RAB22A: variants seen among roughly 807,000 people sequenced by gnomAD.
The protein encoded by RAB22A is ras-related protein Rab-22A.
A neutral mutation model predicts 30.2 loss-of-function variants in RAB22A; 13 were observed. The ratio of observed to expected loss-of-function variants is 0.43; its 90% CI spans 0.28 to 0.68. RAB22A has a LOEUF of 0.68. Among genes scored for constraint, RAB22A ranks in the 30% least tolerant of loss-of-function variants. The pLI is 0.18. For missense variants in RAB22A, 177 were observed against 246.8 expected, an observed-to-expected ratio of 0.72 and a Z score of 1.89; for synonymous variants, 89 against 87.2, an observed-to-expected ratio of 1.02 and a Z score of -0.11.
intron 2 of RAB22A, among the ~76,000 whole-genome samples, chr20:58,336,903 A>AC (rs1362038079): frequency 1.3e-5 from 2 of 151,872 alleles, no homozygotes; most frequent in Non-Finnish European, 2.9e-5. Flanking sequence ...TCCAAGTCTA[A>AC]CCCTGCAGAG....
rs1986606421 is a variant in RAB22A at position 58,328,468 on chromosome 20, G to A, written c.117-15250G>A. 1.3e-5 allele frequency among the ~76,000 whole-genome samples: 2 copies of A among 152,154 alleles called. 1 individual carries two copies. Among genetic ancestry groups the A allele is most frequent in the Admixed American group, 1.3e-4 (2 of 15,272 alleles). On this transcript the variant is annotated intron_variant, in intron 2 of 6. Transcript: ENST00000244040. Reference sequence around the variant, plus strand: ...CAGATTGAATTACAGGTGTGAACCAGTGTCCAGCTACATTCTTTATATTGT... The same window carrying A: ...CAGATTGAATTACAGGTGTGAACCAATGTCCAGCTACATTCTTTATATTGT...
intron 2 of RAB22A, among the ~76,000 whole-genome samples, chr20:58,316,450 C>T (rs561706956): frequency 6.6e-6 from 1 of 152,182 alleles, no homozygotes; most frequent in African/African-American, 2.4e-5. Flanking sequence ...ATTTTCAAAG[C>T]TGAGGCTTTT....
At chr20:58,342,948 C>T (rs528832221) in intron 2 of RAB22A, among the ~76,000 whole-genome samples, 1 of 152,242 alleles carries the variant, frequency 6.6e-6, no homozygotes, top group East Asian at 1.9e-4. Flanking sequence ...ATTTTGAGGT[C>T]TCACTCAAGA....
Position 58,353,423 on chromosome 20 carries a change from G to A in RAB22A, c.271-9G>A, listed in dbSNP as rs1473744023. On this transcript the variant is annotated splice_polypyrimidine_tract_variant and intron_variant, in intron 4 of 6. Transcript: ENST00000244040. Reference sequence around the variant, plus strand: ...GATCTCCAGTTGCTCTCTTTTTTGTGTGTTACAGGAGACATTTTCAACATT... The same window carrying A: ...GATCTCCAGTTGCTCTCTTTTTTGTATGTTACAGGAGACATTTTCAACATT... 2 of 1,611,036 alleles carry A rather than the reference G, an allele frequency of 1.2e-6. No individual in the cohort carries two copies. The highest frequency in any genetic ancestry group is 1.7e-6 in the Non-Finnish European group (2 of 1,177,464).
intron 2 of RAB22A, among the ~76,000 whole-genome samples, chr20:58,342,803 G>C (rs1986877771): frequency 6.6e-6 from 1 of 152,110 alleles, no homozygotes; most frequent in African/African-American, 2.4e-5. Context: ...GCTGCCCTCT[G>C]GGTGAGGGGG....
intron 2 of RAB22A, among the ~76,000 whole-genome samples, chr20:58,321,817 C>G (rs1319938643): frequency 6.6e-6 from 1 of 152,000 alleles, no homozygotes; most frequent in African/African-American, 2.4e-5. Context: ...TATACATAAA[C>G]AGAAACAAGG....
chr20:58,349,884 T>TAG (rs1387417616), intron 3 of RAB22A, among the ~76,000 whole-genome samples: 6 of 152,094 alleles, frequency 3.9e-5, no homozygotes, highest in African/African-American at 1.4e-4. Flanking sequence ...ACCCAGTGAG[T>TAG]AGAAGCAAAC....
chr20:58,311,778 C>T (rs921798140), intron 2 of RAB22A, among the ~76,000 whole-genome samples: 1 of 152,042 alleles, frequency 6.6e-6, no homozygotes, highest in African/African-American at 2.4e-5. Context: ...ATCATCAAAC[C>T]CTCAAATGGT....
intron 2 of RAB22A, among the ~76,000 whole-genome samples, chr20:58,328,693 T>C (rs564507595): frequency 1.3e-5 from 2 of 152,100 alleles, no homozygotes; most frequent in Non-Finnish European, 2.9e-5. Context: ...TCTCTTTTCC[T>C]CCCTACTTAG....
Position 58,367,385 on chromosome 20 carries a change from T to C in RAB22A, c.*7682T>C, listed in dbSNP as rs1353061831. 6.5e-6 allele frequency: 1 copy of C among 152,770 alleles called. No homozygotes were observed. Among genetic ancestry groups the C allele is most frequent in the African/African-American group, 2.4e-5 (1 of 41,590 alleles). The allele number at this position is 152,770 out of a possible 1,614,324, so 9.5% of individuals were successfully genotyped here. The stretch of plus-strand genomic sequence containing the variant: ...AAAGTTGATTTGCCATACTTTTAAA[T>C]AATATTGTTTTAGCTTGAATATTCT... On this transcript the variant is annotated 3_prime_UTR_variant, in exon 7 of 7. Transcript: ENST00000244040.
At chr20:58,312,512 G>T in intron 2 of RAB22A, among the ~76,000 whole-genome samples, 2 of 92,676 alleles carry the variant, frequency 2.2e-5, no homozygotes, top group South Asian at 4.2e-4. Flanking sequence ...TTTTTGAGGT[G>T]GAGTCTCGCT....
chr20:58,355,418 A>G (rs1179095297), intron 6 of RAB22A, among the ~76,000 whole-genome samples: 1 of 152,198 alleles, frequency 6.6e-6, no homozygotes, highest in Admixed American at 6.5e-5. Flanking sequence ...CAATCATTTA[A>G]GTATTTTCAG....
In RAB22A at chr20:58,363,968, A is replaced by G. The variant is rs2122979337; in HGVS notation, c.*4265A>G. 6.5e-6 allele frequency: 1 copy of G among 152,794 alleles called. No individual in the cohort carries two copies. The highest frequency in any genetic ancestry group is 1.5e-5 in the Non-Finnish European group (1 of 68,038). The allele number at this position is 152,794 out of a possible 1,614,324, so 9.5% of individuals were successfully genotyped here. On this transcript the variant is annotated 3_prime_UTR_variant, in exon 7 of 7. Coordinates refer to ENST00000244040, the MANE Select transcript of RAB22A (RefSeq NM_020673.3). The stretch of plus-strand genomic sequence containing the variant: ...ACAACCTCTGCGAATTTCTCTTGAC[A>G]GCGGAGTTGCTTGTCTTGACTTCTA...
At chr20:58,359,572 G>T (rs768146355) in intron 6 of RAB22A, 34 bp from the exon 7 acceptor site, 1 of 1,488,584 alleles carries the variant, frequency 6.7e-7, no homozygotes, top group South Asian at 1.2e-5. Flanking sequence ...GAAAGTTAAA[G>T]CTCACTCCCT....
intron 2 of RAB22A, among the ~76,000 whole-genome samples, chr20:58,342,800 T>A (rs1986877601): frequency 6.6e-6 from 1 of 152,072 alleles, no homozygotes; most frequent in Non-Finnish European, 1.5e-5. Flanking sequence ...GAGGCTGCCC[T>A]CTGGGTGAGG....
At chr20:58,355,432 A>G (rs2122970175) in intron 6 of RAB22A, among the ~76,000 whole-genome samples, 1 of 152,100 alleles carries the variant, frequency 6.6e-6, no homozygotes, top group South Asian at 2.1e-4. Flanking sequence ...TTTTCAGAGT[A>G]CTTTGCAGGC....
intron 2 of RAB22A, among the ~76,000 whole-genome samples, chr20:58,326,438 A>G (rs1986569882): frequency 6.6e-6 from 1 of 152,182 alleles, no homozygotes; most frequent in African/African-American, 2.4e-5. Flanking sequence ...TTTTCATGAA[A>G]TAATGTTTTG....
intron 6 of RAB22A, among the ~76,000 whole-genome samples, chr20:58,356,001 C>T (rs1987123839): frequency 6.6e-6 from 1 of 152,076 alleles, no homozygotes; most frequent in African/African-American, 2.4e-5. Context: ...GTGTTCTTCA[C>T]TTTAGTGGTA....
At chr20:58,342,720 C>T (rs1256619716) in intron 2 of RAB22A, among the ~76,000 whole-genome samples, 1 of 151,608 alleles carries the variant, frequency 6.6e-6, no homozygotes, top group African/African-American at 2.4e-5. Flanking sequence ...AAAGAAGACA[C>T]ACCCATCTTT....
Sources: allele counts gnomAD v4.1 joint callset (sites outside exome capture counted in the v4.1 genomes callset), GRCh38; gene constraint gnomAD v4.1.1; transcripts MANE v1.5; gene names NCBI Gene and HGNC (gene_info 2026-07-23, HGNC 2026-07-21).